The following RABGAP1L variants were observed in gnomAD, a reference collection of about 807,000 sequenced individuals.
RABGAP1L encodes the protein rab GTPase-activating protein 1-like.
RABGAP1L carries 63 observed loss-of-function variants against 137.7 expected under a neutral mutation model. The ratio of observed to expected loss-of-function variants is 0.46; its 90% CI spans 0.37 to 0.56. The LOEUF (loss-of-function observed/expected upper bound fraction) is 0.56, where lower values mean the gene tolerates loss of function less well. Among genes scored for constraint, RABGAP1L ranks in the 20% least tolerant of loss-of-function variants. RABGAP1L has a pLI of 0.00. For missense variants in RABGAP1L, 1,095 were observed against 1,244.0 expected (o/e 0.88, Z 1.80); for synonymous variants, 431 against 433.7 (o/e 0.99, Z 0.08).
At chr1:174,605,826 A>G (rs1670751090) in intron 13 of RABGAP1L, among the ~76,000 whole-genome samples, 1 of 152,192 alleles carries the variant, frequency 6.6e-6, no homozygotes, top group Admixed American at 6.5e-5. Context: ...CATCTTTAAC[A>G]TCATCTCATT....
intron 14 of RABGAP1L, among the ~76,000 whole-genome samples, chr1:174,677,139 T>C (rs1572772486): frequency 7.7e-6 from 1 of 129,658 alleles, no homozygotes; most frequent in African/African-American, 3.4e-5. Flanking sequence ...CTAGGCAACA[T>C]AGTGAGACCC....
intron 13 of RABGAP1L, among the ~76,000 whole-genome samples, chr1:174,585,671 G>T (rs890851087): frequency 1.3e-5 from 2 of 152,144 alleles, no homozygotes; most frequent in East Asian, 1.9e-4. Context: ...TCCCTGATGC[G>T]CTAAGCATGT....
rs755501860 is a variant in RABGAP1L at position 174,305,122 on chromosome 1, A to G, written c.1460A>G (p.Glu487Gly). 3.9e-6 allele frequency: 6 copies of G among 1,530,208 alleles called. No individual in the cohort carries two copies. Among genetic ancestry groups the G allele is most frequent in the Non-Finnish European group, 4.3e-6 (5 of 1,149,886 alleles). The allele number at this position is 1,530,208 out of a possible 1,614,324, so 94.8% of individuals were successfully genotyped here. ...ATGTCACCCCAGGATGATGAAGCAG[A>G]AGAGGGTAAGAAGTTGGACTTACTC... Reference protein sequence around the residue: ...GPMSPQDDEAEEESDNELSSG... With the variant: ...GPMSPQDDEAGEESDNELSSG... Residue 487 changes from glutamate to glycine, a missense_variant, in exon 11 of 26, where the codon GAA becomes GGA. Physicochemically the swap from Glu to Gly is moderately conservative, Grantham distance 98. Transcript: ENST00000681986.
At chr1:174,676,776 A>T (rs145415046) in intron 14 of RABGAP1L, among the ~76,000 whole-genome samples, 2,079 of 152,246 alleles carry the variant, frequency 0.014, 48 homozygotes, top group African/African-American at 0.046. Context: ...AGATTAATAG[A>T]TATGGTGGTA....
chr1:174,227,881 T>C (rs1670321344), intron 3 of RABGAP1L, among the ~76,000 whole-genome samples: 1 of 151,662 alleles, frequency 6.6e-6, no homozygotes, highest in Non-Finnish European at 1.5e-5. Flanking sequence ...TAGTCTGTTA[T>C]ATTTTGAAGA....
rs10158604 is a variant in RABGAP1L at position 174,264,025 on chromosome 1, T to C, written c.987-8389T>C. Among the ~76,000 whole-genome samples the C allele has an allele frequency of 1.2e-3, 190 of 152,184 alleles. 1 individual carries two copies. Among genetic ancestry groups the C allele is most frequent in the African/African-American group, 4.5e-3 (189 of 41,558 alleles). On this transcript the variant is annotated intron_variant, in intron 7 of 25. Transcript: ENST00000681986. ...TGTTTTATTCCCTTTTCAAGATCTT[T>C]GGATCATTTGAAGGGAAGAGGGAGG...
chr1:174,756,415 G>A (rs539966660), intron 18 of RABGAP1L, among the ~76,000 whole-genome samples: 2 of 152,208 alleles, frequency 1.3e-5, no homozygotes, highest in East Asian at 3.9e-4. Context: ...CTCCCAAAGT[G>A]TTGGGATTAC....
At chr1:174,977,456 C>T (rs150851154) in intron 22 of RABGAP1L, among the ~76,000 whole-genome samples, 93 of 152,244 alleles carry the variant, frequency 6.1e-4, no homozygotes, top group Admixed American at 1.8e-3. Context: ...CTACCTGCTC[C>T]GTGGTTCCAT....
At chr1:174,213,656 T>C (rs1459796913) in intron 1 of RABGAP1L, among the ~76,000 whole-genome samples, 1 of 152,186 alleles carries the variant, frequency 6.6e-6, no homozygotes, top group Admixed American at 6.5e-5. Context: ...ATCCCAGGGA[T>C]GCAAATATGG....
chr1:174,692,527 T>C (rs1174303983), intron 15 of RABGAP1L, among the ~76,000 whole-genome samples: 1 of 152,062 alleles, frequency 6.6e-6, no homozygotes, highest in Non-Finnish European at 1.5e-5. Context: ...ATAAAAAGCA[T>C]GGGGAGGAGG....
At chr1:174,183,929 G>T (rs1666591348) in intron 1 of RABGAP1L, among the ~76,000 whole-genome samples, 1 of 148,576 alleles carries the variant, frequency 6.7e-6, no homozygotes, top group Admixed American at 6.8e-5. Flanking sequence ...GCAGTGGCGC[G>T]ATCTCGGCTC....
Position 174,699,627 on chromosome 1 carries a change from T to C in RABGAP1L, c.2002T>C (p.Tyr668His). 2 of 1,608,210 alleles carry C rather than the reference T, an allele frequency of 1.2e-6. No homozygotes were observed. Among genetic ancestry groups the C allele is most frequent in the African/African-American group, 1.3e-5 (1 of 74,896 alleles). The change falls in exon 16 of 26, where the codon TAC (tyrosine) becomes CAC (histidine). Residue 668 changes from tyrosine (Y) to histidine (H), a missense_variant. Around this residue, in one of 4 missense-constraint regions of RABGAP1L, gnomAD observed 315 missense variants for 324.8 expected, o/e 0.97. Transcript: ENST00000681986. ...NNFEDLHCKF[Y>H]QLERLMQEQL... ...CTTCGAAGATCTTCATTGCAAATTC[T>C]ACCAGTTGGAGAGACTAATGCAGGT...
At chr1:174,502,572 C>A (rs1661383287) in intron 13 of RABGAP1L, among the ~76,000 whole-genome samples, 1 of 79,290 alleles carries the variant, frequency 1.3e-5, no homozygotes, top group Non-Finnish European at 2.5e-5. Context: ...GAAGAAAGTA[C>A]ACGGTATATA....
intron 19 of RABGAP1L, chr1:174,877,628 C>T (rs755508941): frequency 6.2e-7 from 1 of 1,602,118 alleles, no homozygotes; most frequent in East Asian, 2.2e-5. Flanking sequence ...TTGCACACTA[C>T]TCTGGTTCTG....
intron 14 of RABGAP1L, among the ~76,000 whole-genome samples, chr1:174,638,887 G>C (rs1310312063): frequency 7.7e-6 from 1 of 130,354 alleles, no homozygotes. Context: ...GGACTGTGGT[G>C]GGGTTGGGGG....
At chr1:174,321,437 TGGG>T (rs897237083) in intron 11 of RABGAP1L, among the ~76,000 whole-genome samples, 2 of 152,102 alleles carry the variant, frequency 1.3e-5, no homozygotes, top group South Asian at 4.1e-4. Context: ...TTTTGTGGCT[TGGG>T]GGGCATCATG....
At chr1:174,710,738 C>T (rs529706016) in intron 17 of RABGAP1L, among the ~76,000 whole-genome samples, 1 of 152,318 alleles carries the variant, frequency 6.6e-6, no homozygotes, top group South Asian at 2.1e-4. Context: ...TAAAGACCAT[C>T]AACACTATGA....
chr1:174,983,389 T>G (rs2149389733), intron 24 of RABGAP1L, among the ~76,000 whole-genome samples: 1 of 152,318 alleles, frequency 6.6e-6, no homozygotes, highest in South Asian at 2.1e-4. Context: ...AGAAAACCTG[T>G]GGCATTTGTT....
At chr1:174,902,746 C>T (rs943508712) in intron 19 of RABGAP1L, among the ~76,000 whole-genome samples, 2 of 152,164 alleles carry the variant, frequency 1.3e-5, no homozygotes, top group Admixed American at 6.5e-5. Flanking sequence ...TTTCTTTTGG[C>T]TCTATGCCAC....
Sources: gnomAD v4.1 joint callset for allele counts (sites outside exome capture counted in the v4.1 genomes callset) on GRCh38, gnomAD v4.1.1 for gene constraint, gnomAD v4.1.1 regional missense constraint, MANE v1.5 for transcripts, NCBI Gene and HGNC (gene_info 2026-07-23, HGNC 2026-07-21) for gene names.